AZIN1: variants seen among roughly 807,000 people sequenced by gnomAD.
AZIN1 encodes the protein ornithine decarboxylase antizyme inhibitor.
Under a neutral mutation model 47.4 loss-of-function variants are expected in AZIN1, and 12 were observed. The ratio of observed to expected loss-of-function variants is 0.25; its 90% CI spans 0.16 to 0.41. AZIN1 has a LOEUF of 0.41. AZIN1 is among the 10% of genes least tolerant of loss of function. The pLI is 1.00. For synonymous variants in AZIN1, 155 were observed against 176.3 expected (o/e 0.88, Z 0.96); for missense variants, 410 against 532.4 (o/e 0.77, Z 2.26).
At chr8:102,831,340 G>A (rs749503015) in intron 9 of AZIN1, among the ~76,000 whole-genome samples, 4 of 152,022 alleles carry the variant, frequency 2.6e-5, no homozygotes, top group African/African-American at 7.2e-5. Flanking sequence ...AACAATAGAT[G>A]CTAAAACTAA....
At chr8:102,855,783 G>C (rs1166753929) in intron 2 of AZIN1, 1 of 152,148 alleles carries the variant, frequency 6.6e-6, no homozygotes, top group Non-Finnish European at 1.5e-5. Flanking sequence ...GTGTCCAATA[G>C]AGCAAACTCT....
intron 1 of AZIN1, chr8:102,859,237 T>G (rs1420413434): frequency 6.6e-6 from 1 of 152,176 alleles, no homozygotes; most frequent in Admixed American, 6.5e-5. Context: ...TTCCAAATAA[T>G]GTACTACTCC....
chr8:102,863,352 G>A (rs948625805), intron 1 of AZIN1, among the ~76,000 whole-genome samples: 1 of 151,468 alleles, frequency 6.6e-6, no homozygotes, highest in African/African-American at 2.4e-5. Context: ...CCGGGCTTCG[G>A]GAGGCAAAGG....
intron 4 of AZIN1, among the ~76,000 whole-genome samples, chr8:102,839,223 C>A (rs1200636752): frequency 6.6e-6 from 1 of 152,090 alleles, no homozygotes; most frequent in South Asian, 2.1e-4. Context: ...CACTATGTTG[C>A]CCAGGCTGAT....
At chr8:102,838,706 G>A in intron 5 of AZIN1, 38 bp downstream of exon 5, 1 of 1,550,044 alleles carries the variant, frequency 6.5e-7, no homozygotes. Context: ...CCCTCTAAGT[G>A]CTAAATAATA....
intron 1 of AZIN1, among the ~76,000 whole-genome samples, chr8:102,862,363 G>A (rs1039527385): frequency 5.9e-5 from 9 of 152,118 alleles, no homozygotes; most frequent in African/African-American, 2.2e-4. Context: ...CTAGGTGGAA[G>A]TATAACTCTT....
At chr8:102,863,199 TCC>T (rs1311570023) in intron 1 of AZIN1, among the ~76,000 whole-genome samples, 1 of 151,962 alleles carries the variant, frequency 6.6e-6, no homozygotes, top group Admixed American at 6.6e-5. Flanking sequence ...TCAACTTTCC[TCC>T]ACCAGAGGGG....
At chr8:102,860,908 T>C (rs866218718) in intron 1 of AZIN1, among the ~76,000 whole-genome samples, 2 of 152,254 alleles carry the variant, frequency 1.3e-5, no homozygotes, top group African/African-American at 4.8e-5. Context: ...GCAGCACTTT[T>C]CTAGACTGTG....
Position 102,836,359 on chromosome 8 carries a change from T to C in AZIN1, c.481A>G (p.Ile161Val), listed in dbSNP as rs1811822339. The change falls in exon 6 of 12, where the codon ATT becomes GTT. Residue 161 changes from isoleucine to valine, a missense_variant. Coordinates refer to ENST00000337198, the MANE Select transcript of AZIN1 (RefSeq NM_148174.4). Reference sequence around the variant, plus strand: ...TTCATGTTACCCTCTTCACCTCCAATATTATCTTCTGTTGCAATATGTAGT... The same window carrying C: ...TTCATGTTACCCTCTTCACCTCCAACATTATCTTCTGTTGCAATATGTAGT... ...VLLHIATEDN[I>V]GGEEGNMKFG... 6.2e-7 allele frequency: 1 copy of C among 1,613,858 alleles called. No homozygotes were observed. The highest frequency in any genetic ancestry group is 1.3e-5 in the African/African-American group (1 of 74,918).
At chr8:102,842,292 A>T (rs894456254) in intron 3 of AZIN1, among the ~76,000 whole-genome samples, 2 of 152,182 alleles carry the variant, frequency 1.3e-5, no homozygotes, top group African/African-American at 2.4e-5. Context: ...AACTGAGACC[A>T]GGCACAGTGG....
intron 9 of AZIN1, among the ~76,000 whole-genome samples, chr8:102,831,475 T>TA (rs60399766): frequency 0.076 from 10,261 of 134,810 alleles, 512 homozygotes; most frequent in African/African-American, 0.15. Flanking sequence ...GCATTTAAAT[T>TA]AAAAAAAAAA....
chr8:102,828,682 C>T lies in AZIN1; in HGVS notation c.1236-4G>A, dbSNP rs201414464. On this transcript the variant is annotated splice_region_variant and splice_polypyrimidine_tract_variant and intron_variant, in intron 11 of 11. Coordinates refer to ENST00000337198, the MANE Select transcript of AZIN1 (RefSeq NM_148174.4). ...TCCAGCATCTTGCATCTCATACCTACGTAGAAAAAAAATCAGCTAAATTCT... is the reference window on the plus strand; with the variant it reads ...TCCAGCATCTTGCATCTCATACCTATGTAGAAAAAAAATCAGCTAAATTCT... 2.2e-4 allele frequency: 356 copies of T among 1,585,840 alleles called. 1 individual carries two copies. In the African/African-American group the frequency reaches 4.3e-3, roughly 19 times the overall value.
chr8:102,835,564 C>T (rs1811765718), intron 6 of AZIN1: 2 of 152,314 alleles, frequency 1.3e-5, no homozygotes, highest in African/African-American at 2.4e-5. Context: ...AGGAAGATTG[C>T]TTGAGCCAGG....
intron 8 of AZIN1, 143 bp from the exon 9 acceptor site, chr8:102,833,361 C>A: frequency 1.6e-6 from 1 of 617,454 alleles, no homozygotes; most frequent in Middle Eastern, 4.0e-4. Context: ...TTGTAGTTAT[C>A]TCCAAGCAAT....
At chr8:102,863,742 C>T (rs1348293893) in intron 1 of AZIN1, 65 bp downstream of exon 1, 1 of 152,204 alleles carries the variant, frequency 6.6e-6, no homozygotes, top group Admixed American at 6.6e-5. Flanking sequence ...CCGGAGCCCC[C>T]CAGCCGCCCC....
intron 3 of AZIN1, among the ~76,000 whole-genome samples, chr8:102,841,435 A>G (rs1812173394): frequency 6.6e-6 from 1 of 152,214 alleles, no homozygotes; most frequent in African/African-American, 2.4e-5. Flanking sequence ...CTGACCCCCG[A>G]AAAGTGTTGC....
At chr8:102,852,938 C>A (rs1813012407) in intron 2 of AZIN1, among the ~76,000 whole-genome samples, 1 of 152,134 alleles carries the variant, frequency 6.6e-6, no homozygotes, top group South Asian at 2.1e-4. Flanking sequence ...GAACAATGGC[C>A]AGTTTAGAAC....
chr8:102,846,642 CCT>C (rs1812585855), intron 2 of AZIN1, among the ~76,000 whole-genome samples: 1 of 152,002 alleles, frequency 6.6e-6, no homozygotes, highest in South Asian at 2.1e-4. Flanking sequence ...ACACAGGACT[CCT>C]TTTTTTTTTG....
intron 5 of AZIN1, among the ~76,000 whole-genome samples, chr8:102,836,902 A>G (rs899742903): frequency 6.6e-6 from 1 of 151,666 alleles, no homozygotes; most frequent in East Asian, 1.9e-4. Context: ...CATTTTTTAA[A>G]TTTTTTTTTC....
Sources: gnomAD v4.1 joint callset for allele counts (sites outside exome capture counted in the v4.1 genomes callset) on GRCh38, gnomAD v4.1.1 for gene constraint, MANE v1.5 for transcripts, NCBI Gene and HGNC (gene_info 2026-07-23, HGNC 2026-07-21) for gene names.